CDH4: variants seen among roughly 807,000 people sequenced by gnomAD.
CDH4 encodes the protein cadherin 4, also known as cadherin-4.
A neutral mutation model predicts 86.0 loss-of-function variants in CDH4; 33 were observed. That is an observed-to-expected ratio of 0.38 (90% CI 0.29 to 0.51). CDH4 has a LOEUF of 0.51. Among genes scored for constraint, CDH4 ranks in the 20% least tolerant of loss-of-function variants. CDH4 has a pLI of 0.86. For missense variants in CDH4, 1,114 were observed against 1,307.4 expected, an observed-to-expected ratio of 0.85 and a Z score of 2.28; for synonymous variants, 555 against 549.4, an observed-to-expected ratio of 1.01 and a Z score of -0.14.
intron 2 of CDH4, among the ~76,000 whole-genome samples, chr20:61,536,370 C>A (rs917131653): frequency 3.3e-5 from 5 of 152,102 alleles, no homozygotes; most frequent in Non-Finnish European, 7.4e-5. Flanking sequence ...AAGGAAGAGG[C>A]CGCACCCAAA....
intron 2 of CDH4, among the ~76,000 whole-genome samples, chr20:61,423,763 C>G (rs140611477): frequency 6.6e-6 from 1 of 152,260 alleles, no homozygotes; most frequent in African/African-American, 2.4e-5. Flanking sequence ...TAATGAAAGG[C>G]GTCTTGCCTC....
intron 2 of CDH4, among the ~76,000 whole-genome samples, chr20:61,643,809 A>G (rs1408615926): frequency 6.6e-6 from 1 of 152,324 alleles, no homozygotes; most frequent in Non-Finnish European, 1.5e-5. Flanking sequence ...TCCTTAATCC[A>G]TCTGAGTTCC....
intron 2 of CDH4, among the ~76,000 whole-genome samples, chr20:61,736,206 A>G (rs1239957827): frequency 6.6e-6 from 1 of 152,122 alleles, no homozygotes; most frequent in Non-Finnish European, 1.5e-5. Context: ...TCCTGACACC[A>G]TGCTGTGTTC....
chr20:61,261,030 G>C (rs959489391), intron 2 of CDH4, among the ~76,000 whole-genome samples: 1 of 152,204 alleles, frequency 6.6e-6, no homozygotes, highest in Admixed American at 6.5e-5. Flanking sequence ...TGCCGCCCCG[G>C]GCTCTGCACA....
Position 61,640,781 on chromosome 20 carries a change from T to C in CDH4, c.170-102782T>C, listed in dbSNP as rs528686098. On this transcript the variant is annotated intron_variant, in intron 2 of 15. Transcript: ENST00000614565. ...CCCAGCAAACTCAGCGGAGATTAAT[T>C]AAACATGAGACACTGATTAATGTTT... Among the ~76,000 whole-genome samples the C allele has an allele frequency of 3.3e-5, 5 of 152,344 alleles. No homozygotes were observed. The East Asian group carries it at 9.6e-4, about 29-fold the overall frequency.
chr20:61,755,767 C>T (rs1236938789), intron 3 of CDH4, among the ~76,000 whole-genome samples: 1 of 150,146 alleles, frequency 6.7e-6, no homozygotes, highest in Non-Finnish European at 1.5e-5. Context: ...ACACACACTA[C>T]ACACATATAC....
At chr20:61,846,704 G>C (rs1227752385) in intron 5 of CDH4, among the ~76,000 whole-genome samples, 1 of 152,216 alleles carries the variant, frequency 6.6e-6, no homozygotes, top group Non-Finnish European at 1.5e-5. Flanking sequence ...ATCTAGATGT[G>C]GGGCAGGGGG....
chr20:61,528,252 C>T (rs6121667), intron 2 of CDH4, among the ~76,000 whole-genome samples: 9,813 of 151,234 alleles, frequency 0.065, 414 homozygotes, highest in African/African-American at 0.1. Flanking sequence ...TGGTGTGTGC[C>T]TGTAATCCCA....
intron 2 of CDH4, among the ~76,000 whole-genome samples, chr20:61,367,870 T>TC (rs920657196): frequency 6.8e-6 from 1 of 145,992 alleles, no homozygotes; most frequent in African/African-American, 2.6e-5. Flanking sequence ...CCAGGATCTT[T>TC]TTTTTTTTTT....
At chr20:61,337,690 C>T (rs982666377) in intron 2 of CDH4, among the ~76,000 whole-genome samples, 4 of 152,112 alleles carry the variant, frequency 2.6e-5, no homozygotes, top group Middle Eastern at 3.4e-3. Flanking sequence ...GCTGAATTGT[C>T]ATCCCTGCTT....
chr20:61,735,866 C>T (rs1568786350), intron 2 of CDH4, among the ~76,000 whole-genome samples: 1 of 152,208 alleles, frequency 6.6e-6, no homozygotes, highest in Non-Finnish European at 1.5e-5. Context: ...GCCTCGGGGG[C>T]TGTGATCCTC....
At position 61,924,370 on chromosome 20, in the gene CDH4, C is replaced by T. The variant is rs1253870362; in HGVS notation, c.1665C>T (p.His555=). The part of the protein sequence containing the change: ...SKLSDPASWL[H]INATNGQITT... ...TGTCAGACCCAGCGAGCTGGCTGCA[C>T]ATCAATGCCACCAACGGCCAGATCA... Residue 555 remains histidine (H), a synonymous_variant, in exon 11 of 16, where the codon CAC becomes CAT. Coordinates refer to ENST00000614565, the MANE Select transcript of CDH4 (RefSeq NM_001794.5). 3.7e-6 allele frequency: 6 copies of T among 1,613,860 alleles called. No individual in the cohort carries two copies. Among genetic ancestry groups the T allele is most frequent in the Admixed American group, 1.7e-5 (1 of 60,018 alleles).
intron 6 of CDH4, among the ~76,000 whole-genome samples, chr20:61,856,751 G>T (rs1022574064): frequency 1.3e-5 from 2 of 152,158 alleles, no homozygotes; most frequent in African/African-American, 4.8e-5. Flanking sequence ...CAGAGGGTGT[G>T]GCAGGCACCG....
chr20:61,665,664 G>A (rs998281688), intron 2 of CDH4, among the ~76,000 whole-genome samples: 8 of 152,210 alleles, frequency 5.3e-5, no homozygotes, highest in African/African-American at 1.9e-4. Flanking sequence ...CTCCCGGCAG[G>A]CTCATGTTTA....
In CDH4 at chr20:61,714,062, T is replaced by TGTTATGTTA. The variant is rs1237764006; in HGVS notation, c.170-29501_170-29500insGTTATGTTA. 1.6e-3 allele frequency among the ~76,000 whole-genome samples: 239 copies of TGTTATGTTA among 150,042 alleles called. 2 individuals carry two copies. Among genetic ancestry groups the TGTTATGTTA allele is most frequent in the Admixed American group, 2.9e-3 (43 of 15,052 alleles). ...TTTTATTTTATTTTATTTTATTTTA[T>TGTTATGTTA]TTGAGATGGAGTCTCACTCTGTCGC... On this transcript the variant is annotated intron_variant, in intron 2 of 15. Transcript: ENST00000614565.
At chr20:61,698,249 G>A (rs2087736130) in intron 2 of CDH4, among the ~76,000 whole-genome samples, 1 of 152,246 alleles carries the variant, frequency 6.6e-6, no homozygotes. Flanking sequence ...AGCCCCCACT[G>A]ACCATTCCAG....
intron 2 of CDH4, among the ~76,000 whole-genome samples, chr20:61,445,376 T>C (rs2085343422): frequency 6.6e-6 from 1 of 152,222 alleles, no homozygotes; most frequent in Non-Finnish European, 1.5e-5. Context: ...GCATGAGTTG[T>C]TGCCCCAGGT....
intron 4 of CDH4, among the ~76,000 whole-genome samples, chr20:61,834,264 G>T (rs1981763586): frequency 6.6e-6 from 1 of 152,150 alleles, no homozygotes; most frequent in Admixed American, 6.5e-5. Context: ...GCTGCCCCTT[G>T]CCCCCCCTCA....
chr20:61,730,335 C>T (rs2088163746), intron 2 of CDH4, among the ~76,000 whole-genome samples: 1 of 152,150 alleles, frequency 6.6e-6, no homozygotes, highest in Non-Finnish European at 1.5e-5. Context: ...ATCCCTCCCT[C>T]CTCCCACGGT....
Sources: allele counts gnomAD v4.1 joint callset (sites outside exome capture counted in the v4.1 genomes callset), GRCh38; gene constraint gnomAD v4.1.1; transcripts MANE v1.5; gene names NCBI Gene and HGNC (gene_info 2026-07-23, HGNC 2026-07-21).